Variants in NCOR2 observed in about 807,000 individuals in gnomAD.
NCOR2 encodes the protein nuclear receptor corepressor 2.
In NCOR2, 81 loss-of-function variants were observed where a neutral mutation model predicts 262.9. That is an observed-to-expected ratio of 0.31 (90% CI 0.26 to 0.37). The LOEUF (loss-of-function observed/expected upper bound fraction) is 0.37, where lower values mean the gene tolerates loss of function less well. Ranked by LOEUF, NCOR2 falls within the 10% of genes least tolerant of loss-of-function variation. The pLI is 1.00. For synonymous variants in NCOR2, 1,659 were observed against 1,559.3 expected (o/e 1.06, Z -1.51); for missense variants, 3,385 against 3,621.4 (o/e 0.93, Z 1.68).
chr12:124,380,455 C>T (rs895744405), intron 17 of NCOR2, among the ~76,000 whole-genome samples: 3 of 152,228 alleles, frequency 2.0e-5, no homozygotes, highest in Admixed American at 6.5e-5. Flanking sequence ...ACAGGGCCCA[C>T]AGGGATGCCC....
intron 22 of NCOR2, among the ~76,000 whole-genome samples, chr12:124,361,746 T>A (rs577792769): frequency 2.0e-4 from 31 of 152,236 alleles, no homozygotes; most frequent in Non-Finnish European, 4.4e-4. Context: ...GGCTGGGCTG[T>A]AGACATGTTT....
At chr12:124,463,775 T>G (rs1036835990) in intron 5 of NCOR2, among the ~76,000 whole-genome samples, 3 of 152,172 alleles carry the variant, frequency 2.0e-5, no homozygotes, top group Non-Finnish European at 4.4e-5. Context: ...TCCCGCACAT[T>G]AGGCTGCAGG....
chr12:124,385,718 C>T (rs759041517), intron 17 of NCOR2, 27 bp downstream of exon 19: 50 of 1,609,874 alleles, frequency 3.1e-5, no homozygotes, highest in Non-Finnish European at 4.2e-5. Flanking sequence ...TTCCCAGAGG[C>T]GCGGTGCAGC....
In NCOR2 at chr12:124,457,059, GC is replaced by G; in HGVS notation, c.762+46del. The G allele has an allele frequency of 3.4e-6, 2 of 594,426 alleles. No individual in the cohort carries two copies. Among genetic ancestry groups the G allele is most frequent in the Non-Finnish European group, 5.3e-6 (2 of 377,726 alleles). 36.8% of individuals were successfully genotyped at this position (594,426 alleles called of 1,614,324 possible). A position where few individuals can be genotyped will look rare whatever the true frequency, so the allele number is the denominator to read the frequency against. On this transcript the variant is annotated intron_variant, in intron 6 of 46. Transcript: ENST00000405201. The surrounding 1 kb of genome is among the most constrained non-coding windows in gnomAD (Gnocchi z 4.0). ...TCCCGCCTCCCTGCCCACCTCTCCA[GC>G]CACCCCCGCCCTCCCCTGAGCCCCT... is the stretch of plus-strand genomic sequence containing the variant.
Position 124,461,159 on chromosome 12 carries a change from C to T in NCOR2, c.706-3997G>A, listed in dbSNP as rs557146816. 7.2e-5 allele frequency among the ~76,000 whole-genome samples: 11 copies of T among 152,376 alleles called. No homozygotes were observed. The East Asian group carries it at 1.9e-3, about 27-fold the overall frequency. The stretch of plus-strand genomic sequence containing the variant: ...GGGAAACAGGCCTTTCTCAATCCCG[C>T]TGAAACCCGACTGCCCCCACGCACG... On this transcript the variant is annotated intron_variant, in intron 5 of 46. Transcript: ENST00000405201.
chr12:124,462,678 C>G (rs2046231216), intron 5 of NCOR2, among the ~76,000 whole-genome samples: 1 of 152,236 alleles, frequency 6.6e-6, no homozygotes, highest in African/African-American at 2.4e-5. Context: ...TGAAGCACTG[C>G]TCTGAAAATC....
At chr12:124,451,583 G>A (rs1282318875) in intron 6 of NCOR2, among the ~76,000 whole-genome samples, 1 of 151,936 alleles carries the variant, frequency 6.6e-6, no homozygotes, top group Non-Finnish European at 1.5e-5. Context: ...CTGTCTGTCT[G>A]TCTCCCTCTC....
chr12:124,335,125 G>C lies in NCOR2; in HGVS notation c.6411+10C>G. ...AAGGTGACAAGCAGCAGCAGAGAAC[G>C]CGTAGTTACACTGATGTGCTGGGCC... On this transcript the variant is annotated intron_variant, in intron 40 of 46. Coordinates refer to ENST00000405201, the Ensembl canonical transcript of NCOR2. The C allele has an allele frequency of 6.2e-7, 1 of 1,612,320 alleles. No individual in the cohort carries two copies. The highest frequency in any genetic ancestry group is 1.1e-5 in the South Asian group (1 of 91,060).
intron 12 of NCOR2, among the ~76,000 whole-genome samples, chr12:124,420,767 C>T (rs1565927099): frequency 1.3e-5 from 2 of 152,198 alleles, no homozygotes. Flanking sequence ...TGCCCACAGC[C>T]GTTCCCCTTA....
chr12:124,380,766 G>A (rs2040353553), intron 17 of NCOR2, among the ~76,000 whole-genome samples: 1 of 152,076 alleles, frequency 6.6e-6, no homozygotes, highest in African/African-American at 2.4e-5. Context: ...GCATCCTGGA[G>A]TGCAAGGTGT....
At chr12:124,326,428 T>C in intron 45 of NCOR2, 58 bp from the exon 48 acceptor site, 1 of 1,397,788 alleles carries the variant, frequency 7.2e-7, no homozygotes, top group Non-Finnish European at 9.3e-7. Flanking sequence ...GCACCGACGC[T>C]ACGGTGGGGC....
chr12:124,345,952 C>T (rs982656771), intron 31 of NCOR2, among the ~76,000 whole-genome samples: 1 of 152,198 alleles, frequency 6.6e-6, no homozygotes, highest in Non-Finnish European at 1.5e-5. Flanking sequence ...TCCTCGTCCT[C>T]GTACCATCGG....
chr12:124,338,732 A>G (rs939550948), intron 37 of NCOR2, among the ~76,000 whole-genome samples: 3 of 151,950 alleles, frequency 2.0e-5, no homozygotes, highest in Non-Finnish European at 4.4e-5. Context: ...CTTTCCTCAC[A>G]GTCCCCATTC....
At chr12:124,342,187 A>G (rs1037190137) in intron 33 of NCOR2, 113 bp from the exon 36 acceptor site, 3 of 1,291,218 alleles carry the variant, frequency 2.3e-6, no homozygotes, top group African/African-American at 3.0e-5. Context: ...TCCCACCTAC[A>G]TGTGTGGCTG....
At chr12:124,511,931 T>G (rs889747204) in intron 1 of NCOR2, among the ~76,000 whole-genome samples, 2 of 152,216 alleles carry the variant, frequency 1.3e-5, no homozygotes, top group Non-Finnish European at 2.9e-5. Flanking sequence ...TTTATTTTTT[T>G]ATTATTTTTT....
intron 16 of NCOR2, among the ~76,000 whole-genome samples, chr12:124,391,325 G>A (rs1376355037): frequency 3.3e-5 from 5 of 151,950 alleles, no homozygotes; most frequent in African/African-American, 1.2e-4. Context: ...CCCCTTCCAT[G>A]AAGACTCACA....
chr12:124,393,557 T>A (rs2041461307), intron 16 of NCOR2, among the ~76,000 whole-genome samples: 1 of 152,250 alleles, frequency 6.6e-6, no homozygotes, highest in Non-Finnish European at 1.5e-5. Context: ...GGGGCCACAC[T>A]GCCCCTGCCA....
At chr12:124,411,710 C>T (rs2042595905) in intron 13 of NCOR2, among the ~76,000 whole-genome samples, 1 of 152,262 alleles carries the variant, frequency 6.6e-6, no homozygotes, top group African/African-American at 2.4e-5. Flanking sequence ...ACCACTGTGC[C>T]AGCGCTTGAG....
chr12:124,387,509 CG>C (rs2040903112), intron 16 of NCOR2, among the ~76,000 whole-genome samples: 1 of 152,220 alleles, frequency 6.6e-6, no homozygotes, highest in African/African-American at 2.4e-5. Context: ...GCAACGCGGG[CG>C]TGGGGCCCCA....
Sources: allele counts gnomAD v4.1 joint callset (sites outside exome capture counted in the v4.1 genomes callset), GRCh38; gene constraint gnomAD v4.1.1; non-coding constraint Gnocchi (gnomAD v3.1); transcripts MANE v1.5; gene names NCBI Gene and HGNC (gene_info 2026-07-23, HGNC 2026-07-21).